Variants in CALN1 observed in about 807,000 individuals in gnomAD.
CALN1 encodes calcium-binding protein 8.
Under a neutral mutation model 30.6 loss-of-function variants are expected in CALN1, and 17 were observed. That is an observed-to-expected ratio of 0.56 (90% CI 0.38 to 0.83). The LOEUF is 0.83. Ranked by LOEUF, CALN1 falls within the 40% of genes least tolerant of loss-of-function variation. The pLI is 0.00. For missense variants in CALN1, 291 were observed against 354.9 expected (o/e 0.82, Z 1.45); for synonymous variants, 156 against 131.4 (o/e 1.19, Z -1.28).
chr7:72,168,016 A>C (rs981616005), intron 3 of CALN1, among the ~76,000 whole-genome samples: 8 of 152,228 alleles, frequency 5.3e-5, no homozygotes, highest in Admixed American at 1.3e-4. Context: ...AACTTAATAA[A>C]GGAATTATTG....
chr7:71,882,878 GTGTGTGTGTGTGTGTT>G (rs1225990710), intron 5 of CALN1, among the ~76,000 whole-genome samples: 1 of 149,640 alleles, frequency 6.7e-6, no homozygotes, highest in African/African-American at 2.5e-5. Context: ...GTGTGTGTGT[GTGTGTGTGTGTGTGTT>G]TGTAAAGACA....
At chr7:71,933,343 G>C (rs1006875873) in intron 5 of CALN1, among the ~76,000 whole-genome samples, 3 of 152,070 alleles carry the variant, frequency 2.0e-5, no homozygotes, top group African/African-American at 4.8e-5. Context: ...AGAAGACACT[G>C]CCTCCTCAAG....
At chr7:72,100,821 C>CAAAAAAAAAAAAA (rs35514026) in intron 4 of CALN1, among the ~76,000 whole-genome samples, 1 of 73,088 alleles carries the variant, frequency 1.4e-5, no homozygotes, top group Non-Finnish European at 2.6e-5. Flanking sequence ...CTCCGTCTCA[C>CAAAAAAAAAAAAA]AAAAAAAAAA....
At chr7:71,930,136 G>A (rs1436158530) in intron 5 of CALN1, among the ~76,000 whole-genome samples, 2 of 152,178 alleles carry the variant, frequency 1.3e-5, no homozygotes, top group Non-Finnish European at 2.9e-5. Flanking sequence ...ATCTGTACAT[G>A]TTTTGGACAG....
At chr7:72,463,162 C>T in the CALN1 span, among the ~76,000 whole-genome samples, 3 of 152,168 alleles carry the variant, frequency 2.0e-5, no homozygotes, top group African/African-American at 7.2e-5. Context: ...TGCTCTGTTG[C>T]CCAGGCTGGG....
intron 6 of CALN1, among the ~76,000 whole-genome samples, chr7:71,805,989 GA>G (rs1461756830): frequency 6.6e-6 from 1 of 152,170 alleles, no homozygotes; most frequent in Non-Finnish European, 1.5e-5. Context: ...CACAGGAGCA[GA>G]AAACCAAACA....
At chr7:72,287,774 T>C (rs1562842358) in intron 2 of CALN1, among the ~76,000 whole-genome samples, 1 of 152,126 alleles carries the variant, frequency 6.6e-6, no homozygotes, top group Non-Finnish European at 1.5e-5. Context: ...TCAACAGTTT[T>C]CCATTGTATA....
At chr7:72,016,248 C>CAAA (rs1216381592) in intron 5 of CALN1, among the ~76,000 whole-genome samples, 3,634 of 73,262 alleles carry the variant, frequency 0.05, 134 homozygotes, top group African/African-American at 0.065. Flanking sequence ...GACTCCATCT[C>CAAA]AAAAAAAAAA....
intron 3 of CALN1, among the ~76,000 whole-genome samples, chr7:72,246,376 C>T (rs996904271): frequency 2.6e-5 from 4 of 152,118 alleles, no homozygotes; most frequent in East Asian, 1.9e-4. Context: ...TCAGAAGACT[C>T]GGGCTCTGCG....
chr7:72,459,123 C>T, the CALN1 span, among the ~76,000 whole-genome samples: 2 of 151,900 alleles, frequency 1.3e-5, no homozygotes, highest in Admixed American at 1.3e-4. Flanking sequence ...AGGCTGGTCT[C>T]AAACTCTCGA....
chr7:71,823,762 G>GA (rs1554346582), intron 5 of CALN1, among the ~76,000 whole-genome samples: 1 of 151,816 alleles, frequency 6.6e-6, no homozygotes, highest in African/African-American at 2.4e-5. Context: ...AAGAAAAAGA[G>GA]AAAGAAAAGA....
At chr7:71,992,757 C>T in intron 5 of CALN1, among the ~76,000 whole-genome samples, 1 of 152,192 alleles carries the variant, frequency 6.6e-6, no homozygotes, top group African/African-American at 2.4e-5. Flanking sequence ...AAACTCTATA[C>T]TTAATCATAT....
intron 2 of CALN1, among the ~76,000 whole-genome samples, chr7:72,346,389 AT>A (rs1802642135): frequency 6.6e-6 from 1 of 152,116 alleles, no homozygotes; most frequent in South Asian, 2.1e-4. Context: ...TTCTTTTCTG[AT>A]TAAAACACCT....
At chr7:72,121,884 T>G (rs1808421617) in intron 3 of CALN1, among the ~76,000 whole-genome samples, 1 of 147,414 alleles carries the variant, frequency 6.8e-6, no homozygotes, top group Admixed American at 6.8e-5. Context: ...AATTATAAAT[T>G]ATATATAATA....
chr7:72,107,269 C>A (rs1807241101), intron 3 of CALN1, among the ~76,000 whole-genome samples: 1 of 152,224 alleles, frequency 6.6e-6, no homozygotes, highest in South Asian at 2.1e-4. Context: ...CAGATCCCTG[C>A]TGCTGTAGGA....
At chr7:72,007,741 A>T (rs1338548370) in intron 5 of CALN1, among the ~76,000 whole-genome samples, 1 of 152,138 alleles carries the variant, frequency 6.6e-6, no homozygotes, top group East Asian at 1.9e-4. Context: ...TATTTTGTTA[A>T]AAAACAATAG....
intron 4 of CALN1, among the ~76,000 whole-genome samples, chr7:72,037,577 G>A (rs762151157): frequency 6.6e-6 from 1 of 152,198 alleles, no homozygotes; most frequent in African/African-American, 2.4e-5. Flanking sequence ...AAGGTTCAGA[G>A]GAAGGAAACA....
chr7:72,461,626 A>T, the CALN1 span, among the ~76,000 whole-genome samples: 1 of 152,210 alleles, frequency 6.6e-6, no homozygotes, highest in Non-Finnish European at 1.5e-5. Flanking sequence ...GGACACAAAG[A>T]TGTGAATAAT....
intron 2 of CALN1, among the ~76,000 whole-genome samples, chr7:72,329,920 T>C (rs1801546869): frequency 6.6e-6 from 1 of 151,338 alleles, no homozygotes; most frequent in Non-Finnish European, 1.5e-5. Context: ...CGCCACTGCA[T>C]TCCAGCCTGG....
Sources: allele counts gnomAD v4.1 joint callset (sites outside exome capture counted in the v4.1 genomes callset), GRCh38; gene constraint gnomAD v4.1.1; transcripts MANE v1.5; gene names NCBI Gene and HGNC (gene_info 2026-07-23, HGNC 2026-07-21).